The following GAS2 variants were observed in gnomAD, a reference collection of about 807,000 sequenced individuals.
GAS2 encodes the protein growth arrest-specific protein 2.
Under a neutral mutation model 37.5 loss-of-function variants are expected in GAS2, and 20 were observed. That is an observed-to-expected ratio of 0.53 (90% CI 0.37 to 0.77). GAS2 has a LOEUF of 0.77. GAS2 is among the 30% of genes least tolerant of loss of function. The probability of loss-of-function intolerance (pLI) is 0.00; values close to 1 mark genes in which losing one functional copy is unlikely to be tolerated. For synonymous variants in GAS2, 144 were observed against 132.2 expected (o/e 1.09, Z -0.61); for missense variants, 336 against 373.4 (o/e 0.90, Z 0.82).
chr11:22,722,161 T>C (rs1851981862), intron 3 of GAS2, among the ~76,000 whole-genome samples: 1 of 151,958 alleles, frequency 6.6e-6, no homozygotes, highest in South Asian at 2.1e-4. Context: ...GAATTAGTAA[T>C]AACAGCCTTT....
chr11:22,807,654 G>A (rs1662831804), intron 7 of GAS2, among the ~76,000 whole-genome samples: 1 of 152,152 alleles, frequency 6.6e-6, no homozygotes, highest in African/African-American at 2.4e-5. Context: ...CAATCACTAG[G>A]CAATGAGTGT....
chr11:22,770,355 C>T (rs1365955763), intron 7 of GAS2, among the ~76,000 whole-genome samples: 2 of 152,172 alleles, frequency 1.3e-5, no homozygotes, highest in African/African-American at 4.8e-5. Flanking sequence ...AGGGCCATTA[C>T]TTTCATAATA....
chr11:22,628,170 C>A (rs1460764321), intron 1 of GAS2, among the ~76,000 whole-genome samples: 1 of 152,110 alleles, frequency 6.6e-6, no homozygotes, highest in African/African-American at 2.4e-5. Flanking sequence ...AGCATTTCAA[C>A]CTATATTCTT....
At chr11:22,663,565 A>T (rs1848940379), upstream of GAS2, among the ~76,000 whole-genome samples, 2 of 152,170 alleles carry the variant, frequency 1.3e-5, no homozygotes, top group Non-Finnish European at 2.9e-5. Context: ...CTTGCACAGG[A>T]GGGAATTAAT....
chr11:22,704,298 C>G (rs1007225764), intron 3 of GAS2, among the ~76,000 whole-genome samples: 2 of 151,586 alleles, frequency 1.3e-5, no homozygotes, highest in African/African-American at 4.9e-5. Context: ...ATAAAGGGAA[C>G]CAATTTTATT....
At chr11:22,652,354 G>C (rs1848788498) in intron 1 of GAS2, among the ~76,000 whole-genome samples, 2 of 152,228 alleles carry the variant, frequency 1.3e-5, no homozygotes, top group African/African-American at 4.8e-5. Context: ...TAAGTCTGCA[G>C]AGATTACTGC....
intron 7 of GAS2, among the ~76,000 whole-genome samples, chr11:22,779,615 T>C (rs924244546): frequency 6.6e-6 from 1 of 152,064 alleles, no homozygotes; most frequent in Admixed American, 6.6e-5. Flanking sequence ...GGAAAATTGC[T>C]TGAACCTGGG....
chr11:22,762,078 G>A (rs1462387590), intron 7 of GAS2, among the ~76,000 whole-genome samples: 1 of 152,116 alleles, frequency 6.6e-6, no homozygotes, highest in East Asian at 1.9e-4. Flanking sequence ...GTTTGAGAAA[G>A]ACATTGTCAA....
chr11:22,787,614 A>G (rs1429891433), intron 7 of GAS2, among the ~76,000 whole-genome samples: 4 of 152,304 alleles, frequency 2.6e-5, no homozygotes, highest in Non-Finnish European at 5.9e-5. Flanking sequence ...GATCAGCTAA[A>G]TAGTTTTTAG....
At chr11:22,807,712 T>C (rs1410295186) in intron 7 of GAS2, among the ~76,000 whole-genome samples, 2 of 152,174 alleles carry the variant, frequency 1.3e-5, no homozygotes, top group Non-Finnish European at 2.9e-5. Context: ...TAATAGGAGA[T>C]CAGTCCCAAA....
Position 22,749,100 on chromosome 11 carries a change from G to A in GAS2, c.474-20G>A, listed in dbSNP as rs1853578444. On this transcript the variant is annotated intron_variant, in intron 5 of 7. Coordinates refer to ENST00000454584, the MANE Select transcript of GAS2 (RefSeq NM_001143830.3). ...TCATTATAAGTTATGCATATGTAAT[G>A]ATCCAGGGTCTTTTTAAAGGTATGG... The A allele has an allele frequency of 6.2e-7, 1 of 1,600,234 alleles. No individual in the cohort carries two copies. The highest frequency in any genetic ancestry group is 8.5e-7 in the Non-Finnish European group (1 of 1,174,070).
chr11:22,812,233 T>G lies in GAS2; in HGVS notation c.*217T>G, dbSNP rs2267744. The G allele has an allele frequency of 5.9e-3, 2,901 of 493,880 alleles. 40 individuals are homozygous for G. Among genetic ancestry groups the G allele is most frequent in the East Asian group, 0.043 (1,252 of 29,420 alleles). The allele number at this position is 493,880 out of a possible 1,614,324, so 30.6% of individuals were successfully genotyped here. ...AAAATCTAAACTCAAATTTAAATTA[T>G]CCAAATTTTAGGCAAATTATTATTT... On this transcript the variant is annotated 3_prime_UTR_variant, in exon 8 of 8. Coordinates refer to ENST00000454584, the MANE Select transcript of GAS2 (RefSeq NM_001143830.3).
chr11:22,662,680 T>C (rs1848928044), upstream of GAS2, among the ~76,000 whole-genome samples: 1 of 152,030 alleles, frequency 6.6e-6, no homozygotes, highest in African/African-American at 2.4e-5. Flanking sequence ...CACCTTCAAC[T>C]TAGACAACAG....
intron 2 of GAS2, among the ~76,000 whole-genome samples, chr11:22,677,303 G>A (rs759419360): frequency 5.3e-5 from 8 of 152,142 alleles, no homozygotes; most frequent in Non-Finnish European, 8.8e-5. Context: ...CCTTTGCGAG[G>A]AGGGAAGGGC....
chr11:22,667,650 G>A, intron 1 of GAS2, among the ~76,000 whole-genome samples: 1 of 152,168 alleles, frequency 6.6e-6, no homozygotes. Flanking sequence ...ATTAAATTCT[G>A]TCAACTCAGT....
At chr11:22,700,810 T>C (rs371852377) in intron 3 of GAS2, among the ~76,000 whole-genome samples, 1 of 152,182 alleles carries the variant, frequency 6.6e-6, no homozygotes, top group Non-Finnish European at 1.5e-5. Context: ...TTGCTCACCA[T>C]TGAAAATTAG....
chr11:22,704,787 G>A (rs910501912), intron 3 of GAS2, among the ~76,000 whole-genome samples: 2 of 151,538 alleles, frequency 1.3e-5, no homozygotes, highest in Non-Finnish European at 2.9e-5. Context: ...ACACAGGAGA[G>A]ATTAATCTTT....
chr11:22,673,074 T>G (rs1159996093), intron 1 of GAS2, among the ~76,000 whole-genome samples: 10 of 152,112 alleles, frequency 6.6e-5, no homozygotes, highest in Non-Finnish European at 1.5e-4. Flanking sequence ...TTTTCAAAAA[T>G]TACTCGACAG....
intron 1 of GAS2, among the ~76,000 whole-genome samples, chr11:22,645,422 G>C (rs187396337): frequency 6.6e-6 from 1 of 152,006 alleles, no homozygotes; most frequent in Non-Finnish European, 1.5e-5. Context: ...CACTAGAATC[G>C]CTTGAACCCG....
Sources: gnomAD v4.1 joint callset for allele counts (sites outside exome capture counted in the v4.1 genomes callset) on GRCh38, gnomAD v4.1.1 for gene constraint, MANE v1.5 for transcripts, NCBI Gene and HGNC (gene_info 2026-07-23, HGNC 2026-07-21) for gene names.